The following CADM1 variants were observed in gnomAD, a reference collection of about 807,000 sequenced individuals.
The protein encoded by CADM1 is cell adhesion molecule 1.
Under a neutral mutation model 53.1 loss-of-function variants are expected in CADM1, and 15 were observed. That is an observed-to-expected ratio of 0.28 (90% CI 0.19 to 0.44). The LOEUF (loss-of-function observed/expected upper bound fraction) is 0.44. Among genes scored for constraint, CADM1 ranks in the 20% least tolerant of loss-of-function variants. The pLI is 1.00. For missense variants in CADM1, 434 were observed against 611.3 expected (o/e 0.71, Z 3.06); for synonymous variants, 281 against 243.0 (o/e 1.16, Z -1.45).
At position 115,218,002 on chromosome 11, in the gene CADM1, AAAACAC is replaced by A. The variant is rs777970506; in HGVS notation, c.722-17_722-12del. The stretch of plus-strand genomic sequence containing the variant: ...GCACTTGAGGCTTATCTGTGTGACA[AAAACAC>A]AAAGTATAATGTTTAGCAAATGATA... On this transcript the variant is annotated splice_polypyrimidine_tract_variant and intron_variant, in intron 5 of 11. Coordinates refer to ENST00000331581, the MANE Select transcript of CADM1 (RefSeq NM_001301043.2). 2.4e-5 allele frequency: 38 copies of A among 1,588,020 alleles called. No homozygotes were observed. The highest frequency in any genetic ancestry group is 3.2e-5 in the Non-Finnish European group (37 of 1,156,526).
chr11:115,186,546 A>G (rs1464272278), intron 10 of CADM1, among the ~76,000 whole-genome samples: 2 of 152,102 alleles, frequency 1.3e-5, no homozygotes, highest in Non-Finnish European at 2.9e-5. Flanking sequence ...AAAGTCCTCT[A>G]TTTCCTCTAG....
intron 1 of CADM1, among the ~76,000 whole-genome samples, chr11:115,252,237 GATT>G (rs1001962213): frequency 6.6e-6 from 1 of 152,096 alleles, no homozygotes; most frequent in African/African-American, 2.4e-5. Context: ...TCTCCAAAAG[GATT>G]ATTATGAGAA....
chr11:115,431,368 T>C (rs906216813), intron 1 of CADM1, among the ~76,000 whole-genome samples: 4 of 152,096 alleles, frequency 2.6e-5, no homozygotes, highest in East Asian at 1.9e-4. Flanking sequence ...TCTCCATGCC[T>C]ACGCTCAAAC....
intron 8 of CADM1, among the ~76,000 whole-genome samples, chr11:115,206,220 A>G (rs563632245): frequency 4.6e-5 from 7 of 152,340 alleles, no homozygotes; most frequent in African/African-American, 1.7e-4. Flanking sequence ...CTAAAGTCAA[A>G]AAATTGTAAG....
At chr11:115,492,844 C>T (rs1283760196) in intron 1 of CADM1, among the ~76,000 whole-genome samples, 1 of 152,050 alleles carries the variant, frequency 6.6e-6, no homozygotes, top group Non-Finnish European at 1.5e-5. Context: ...AAAATACACT[C>T]ACACAGTTGA....
intron 1 of CADM1, among the ~76,000 whole-genome samples, chr11:115,288,359 C>T (rs957138620): frequency 5.9e-5 from 9 of 152,008 alleles, no homozygotes; most frequent in Non-Finnish European, 1.0e-4. Flanking sequence ...TTCAAAGGAA[C>T]GACAGGGTTT....
chr11:115,475,838 T>A (rs959690715), intron 1 of CADM1, among the ~76,000 whole-genome samples: 1 of 152,226 alleles, frequency 6.6e-6, no homozygotes, highest in African/African-American at 2.4e-5. Context: ...GGAAACTGTA[T>A]ATTGACTGTG....
chr11:115,174,162 A>G lies in CADM1; in HGVS notation c.*2312T>C. 2.0e-6 allele frequency: 2 copies of G among 985,470 alleles called. No homozygotes were observed. Among genetic ancestry groups the G allele is most frequent in the Non-Finnish European group, 2.4e-6 (2 of 829,926 alleles). 61.0% of individuals were successfully genotyped at this position (985,470 alleles called of 1,614,324 possible). A position where few individuals can be genotyped will look rare whatever the true frequency, so the allele number is the denominator to read the frequency against. The stretch of plus-strand genomic sequence containing the variant: ...TGAACCTGAGACATGTCAACATTGT[A>G]AGCCATAAAGTTACATCAGGAACAC... On this transcript the variant is annotated 3_prime_UTR_variant, in exon 12 of 12. Transcript: ENST00000331581.
At position 115,172,725 on chromosome 11, in the gene CADM1, A is replaced by ATTTTTTTTT. The variant is rs991408884; in HGVS notation, c.*3740_*3748dup. 6 of 85,540 alleles carry ATTTTTTTTT rather than the reference A, an allele frequency of 7.0e-5. No homozygotes were observed. Among genetic ancestry groups the ATTTTTTTTT allele is most frequent in the East Asian group, 3.5e-4 (1 of 2,892 alleles). 5.3% of individuals were successfully genotyped at this position (85,540 alleles called of 1,614,324 possible). On this transcript the variant is annotated 3_prime_UTR_variant, in exon 12 of 12. Coordinates refer to ENST00000331581, the MANE Select transcript of CADM1 (RefSeq NM_001301043.2). ...CAGGTGCTCAATAACTGCATATCTG[A>ATTTTTTTTT]TTTTTTTTTTTTTTTTTTTTTTTTT...
chr11:115,275,314 G>A (rs566961700), intron 1 of CADM1, among the ~76,000 whole-genome samples: 3 of 152,058 alleles, frequency 2.0e-5, no homozygotes, highest in Admixed American at 6.5e-5. Flanking sequence ...GTGCAGGTGC[G>A]ATTTCCTTCA....
At chr11:115,343,166 A>G (rs1945492639) in intron 1 of CADM1, among the ~76,000 whole-genome samples, 1 of 152,162 alleles carries the variant, frequency 6.6e-6, no homozygotes, top group Admixed American at 6.6e-5. Flanking sequence ...CCTATAAGGT[A>G]CAGACTGTTA....
intron 1 of CADM1, among the ~76,000 whole-genome samples, chr11:115,449,561 C>A (rs1948526628): frequency 6.6e-6 from 1 of 152,168 alleles, no homozygotes; most frequent in South Asian, 2.1e-4. Context: ...CTAACACCAG[C>A]CTACTTAAAA....
At chr11:115,337,294 T>C (rs1945292602) in intron 1 of CADM1, among the ~76,000 whole-genome samples, 1 of 152,160 alleles carries the variant, frequency 6.6e-6, no homozygotes, top group African/African-American at 2.4e-5. Flanking sequence ...ATTTGATAGG[T>C]TGTAGACATT....
rs542789740 is a variant in CADM1 at position 115,278,217 on chromosome 11, G to GA, written c.125-37798dup. ...ATACCCGCCCTGTGAACTAAGATGA[G>GA]AAAAAAATATGTAAACACTTCGAAC... On this transcript the variant is annotated intron_variant, in intron 1 of 11. Transcript: ENST00000331581. Among the ~76,000 whole-genome samples, 14 of 152,046 alleles carry GA rather than the reference G, an allele frequency of 9.2e-5. No homozygotes were observed. The East Asian group carries it at 1.9e-3, about 21-fold the overall frequency.
intron 10 of CADM1, among the ~76,000 whole-genome samples, chr11:115,184,301 G>C (rs1021135542): frequency 1.3e-5 from 2 of 152,138 alleles, no homozygotes. Context: ...ACAAAAATAA[G>C]TGTGCATTTT....
At chr11:115,331,409 A>G (rs1039664155) in intron 1 of CADM1, among the ~76,000 whole-genome samples, 2 of 152,206 alleles carry the variant, frequency 1.3e-5, no homozygotes, top group Non-Finnish European at 2.9e-5. Flanking sequence ...AAAGCCCTGC[A>G]GGCAGATCTG....
At chr11:115,484,778 T>C (rs1413281012) in intron 1 of CADM1, among the ~76,000 whole-genome samples, 1 of 151,702 alleles carries the variant, frequency 6.6e-6, no homozygotes, top group Non-Finnish European at 1.5e-5. Flanking sequence ...AAACCCCATC[T>C]CTACTAAAAA....
At chr11:115,230,538 T>A (rs1243158713) in intron 4 of CADM1, among the ~76,000 whole-genome samples, 1 of 152,132 alleles carries the variant, frequency 6.6e-6, no homozygotes, top group Non-Finnish European at 1.5e-5. Flanking sequence ...CAGAAATACA[T>A]GCGGAATTTA....
chr11:115,480,158 A>G (rs575911331), intron 1 of CADM1, among the ~76,000 whole-genome samples: 1 of 152,330 alleles, frequency 6.6e-6, no homozygotes, highest in East Asian at 1.9e-4. Flanking sequence ...AAGAAAAGAT[A>G]CCTAAGTCTA....
Sources: gnomAD v4.1 joint callset for allele counts (sites outside exome capture counted in the v4.1 genomes callset) on GRCh38, gnomAD v4.1.1 for gene constraint, MANE v1.5 for transcripts, NCBI Gene and HGNC (gene_info 2026-07-23, HGNC 2026-07-21) for gene names.